ZNF283: variants seen among roughly 807,000 people sequenced by gnomAD.
ZNF283 encodes zinc finger protein 283, also known as zinc finger protein 41.
A neutral mutation model predicts 9.2 loss-of-function variants in ZNF283; 10 were observed. The observed-to-expected ratio is 1.09, with a 90% CI of 0.67 to 1.85. ZNF283 has a LOEUF of 1.85. Among genes scored for constraint, ZNF283 ranks in the 40% most tolerant of loss-of-function variants. The probability of loss-of-function intolerance (pLI) is 0.00; values close to 1 mark genes in which losing one functional copy is unlikely to be tolerated. For missense variants in ZNF283, 631 were observed against 760.1 expected (o/e 0.83, Z 2.00); for synonymous variants, 234 against 244.1 (o/e 0.96, Z 0.38).
At chr19:43,837,269 C>T (rs191997803) in intron 6 of ZNF283, 90 bp downstream of exon 6, 1 of 1,351,164 alleles carries the variant, frequency 7.4e-7, no homozygotes, top group Admixed American at 2.6e-5. Flanking sequence ...TTTGAAGAAA[C>T]CAGGTGAATT....
At chr19:43,839,910 A>C (rs534632083) in intron 6 of ZNF283, among the ~76,000 whole-genome samples, 2 of 152,038 alleles carry the variant, frequency 1.3e-5, no homozygotes, top group Non-Finnish European at 2.9e-5. Flanking sequence ...CTTCCTCAGG[A>C]ATGGTTTCTG....
chr19:43,848,300 G>A lies in ZNF283; in HGVS notation c.1699G>A (p.Gly567Ser), dbSNP rs374890277. ...TACTCAACATCAGAAAATTCATACC[G>A]GTGAGAAACCTTTCAAATGTAAGGA... The part of the protein sequence containing the change: ...HLTQHQKIHT[G>S]EKPFKCKECG... Residue 567 changes from glycine to serine, a missense_variant, in exon 7 of 7, where the codon GGT becomes AGT. This residue lies in a region of ZNF283 where 444 missense variants were observed against 522.5 expected (regional missense o/e 0.85). Transcript: ENST00000618787. The A allele has an allele frequency of 1.4e-4, 231 of 1,613,334 alleles. 1 individual carries two copies. The Admixed American group carries it at 1.9e-3, about 13-fold the overall frequency.
At chr19:43,836,561 G>A (rs963440227) in intron 5 of ZNF283, among the ~76,000 whole-genome samples, 1 of 152,110 alleles carries the variant, frequency 6.6e-6, no homozygotes. Flanking sequence ...GGCTGGTCTC[G>A]AACTCCTGAC....
Position 43,848,309 on chromosome 19 carries a change from C to G in ZNF283, c.1708C>G (p.Pro570Ala). Residue 570 changes from proline to alanine, a missense_variant, in exon 7 of 7, where the codon CCT (proline) becomes GCT (alanine). By Grantham distance (27) the Pro-to-Ala change is conservative. Coordinates refer to ENST00000618787, the MANE Select transcript of ZNF283 (RefSeq NM_181845.2). ...TCAGAAAATTCATACCGGTGAGAAA[C>G]CTTTCAAATGTAAGGAATGTGGGAA... is the stretch of plus-strand genomic sequence containing the variant. ...QHQKIHTGEK[P>A]FKCKECGKAF... The G allele has an allele frequency of 6.2e-7, 1 of 1,613,256 alleles. No individual in the cohort carries two copies. The highest frequency in any genetic ancestry group is 2.2e-5 in the East Asian group (1 of 44,846).
intron 6 of ZNF283, among the ~76,000 whole-genome samples, 185 bp from the exon 7 acceptor site, chr19:43,846,753 AT>A (rs976303252): frequency 6.6e-6 from 1 of 152,170 alleles, no homozygotes; most frequent in Non-Finnish European, 1.5e-5. Context: ...AAACTATAAA[AT>A]CAGAACATTC....
rs1568426114 is a variant in ZNF283, at chr19:43,848,153, A to C, written c.1552A>C (p.Lys518Gln). 1 of 1,614,076 alleles carries C rather than the reference A, an allele frequency of 6.2e-7. No individual in the cohort carries two copies. Among genetic ancestry groups the C allele is most frequent in the Non-Finnish European group, 8.5e-7 (1 of 1,179,954 alleles). ...FHTGEKPYECKECGKAFNCGS... is the reference protein window; with the variant it reads ...FHTGEKPYECQECGKAFNCGS... ...CACTGGTGAGAAACCCTATGAATGT[A>C]AGGAATGTGGGAAGGCTTTTAATTG... The change falls in exon 7 of 7, where the codon AAG becomes CAG. Residue 518 changes from lysine to glutamine, a missense_variant. Lys to Gln is a moderately conservative substitution (Grantham distance 53, BLOSUM62 1). Coordinates refer to ENST00000618787, the MANE Select transcript of ZNF283 (RefSeq NM_181845.2).
intron 6 of ZNF283, 163 bp downstream of exon 6, chr19:43,837,342 C>T: frequency 1.6e-6 from 1 of 637,978 alleles, no homozygotes; most frequent in Non-Finnish European, 2.5e-6. Context: ...GTTTGTTAAA[C>T]ACGTTGATCT....
chr19:43,836,993 T>C, intron 5 of ZNF283, 60 bp from the exon 6 acceptor site: 2 of 1,594,454 alleles, frequency 1.3e-6, no homozygotes, highest in Non-Finnish European at 1.7e-6. Flanking sequence ...GTACCCTCTT[T>C]TTTCCTCTTG....
rs370983131 is a variant in ZNF283 at position 43,837,055 on chromosome 19, G to T, written c.213G>T (p.Gly71=). Residue 71 remains glycine, a splice_region_variant and synonymous_variant, in exon 6 of 7, where the codon GGG becomes GGT. Coordinates refer to ENST00000618787, the MANE Select transcript of ZNF283 (RefSeq NM_181845.2). ...SSCNSRTMTD[G]LVTFRDVAID... ...AATACATGGGTTTTTGGTTTTAGGG[G>T]TTGGTGACATTCAGGGATGTGGCCA... is the stretch of plus-strand genomic sequence containing the variant. 5 of 1,613,776 alleles carry T rather than the reference G, an allele frequency of 3.1e-6. No homozygotes were observed. The South Asian group carries it at 5.5e-5, about 18-fold the overall frequency.
At chr19:43,840,053 C>T (rs1012950811) in intron 6 of ZNF283, among the ~76,000 whole-genome samples, 5 of 152,158 alleles carry the variant, frequency 3.3e-5, no homozygotes, top group African/African-American at 7.2e-5. Flanking sequence ...TTTTCCCATT[C>T]CTCAGGCATA....
intron 5 of ZNF283, 65 bp downstream of exon 5, chr19:43,835,657 A>G (rs1414992659): frequency 2.8e-5 from 36 of 1,306,500 alleles, no homozygotes; most frequent in Non-Finnish European, 3.8e-5. Flanking sequence ...CTTTTCATTA[A>G]TTTTCCTTAG....
At chr19:43,837,781 C>T (rs1599719789) in intron 6 of ZNF283, 1 of 152,298 alleles carries the variant, frequency 6.6e-6, no homozygotes, top group South Asian at 2.1e-4. Flanking sequence ...AGCCTGGGAT[C>T]TCTATGTGAA....
At position 43,847,501 on chromosome 19, in the gene ZNF283, T is replaced by G. The variant is rs1247576326; in HGVS notation, c.900T>G (p.Phe300Leu). The G allele has an allele frequency of 6.2e-7, 1 of 1,612,250 alleles. No individual in the cohort carries two copies. Among genetic ancestry groups the G allele is most frequent in the South Asian group, 1.1e-5 (1 of 90,920 alleles). ...AATGTAAAGAATGTGGGAAGGCCTT[T>G]AGTCGTGGCTATCACCTTACCCAAC... ...PYECKECGKA[F>L]SRGYHLTQHQ... is the part of the protein sequence containing the mutation. The change falls in exon 7 of 7, where the codon TTT becomes TTG. Residue 300 changes from phenylalanine to leucine, a missense_variant. Physicochemically the swap from Phe to Leu is conservative, Grantham distance 22. Around this residue, in one of 3 missense-constraint regions of ZNF283, gnomAD observed 444 missense variants for 522.5 expected, o/e 0.85. Transcript: ENST00000618787.
intron 5 of ZNF283, among the ~76,000 whole-genome samples, chr19:43,836,068 T>C (rs531333360): frequency 6.6e-6 from 1 of 152,124 alleles, no homozygotes; most frequent in Non-Finnish European, 1.5e-5. Flanking sequence ...ATGCCTAAGG[T>C]CTAGATGATA....
At position 43,847,949 on chromosome 19, in the gene ZNF283, C is replaced by A; in HGVS notation, c.1348C>A (p.Gln450Lys). 1 of 1,613,380 alleles carries A rather than the reference C, an allele frequency of 6.2e-7. No homozygotes were observed. Among genetic ancestry groups the A allele is most frequent in the Non-Finnish European group, 8.5e-7 (1 of 1,179,802 alleles). ...TCGTGGCTATCACCTTTCTCAACAT[C>A]AGAAAATCCATACTGGTGAGAAACC... ...FSRGYHLSQHQKIHTGEKPFE... is the reference protein window; with the variant it reads ...FSRGYHLSQHKKIHTGEKPFE... The change falls in exon 7 of 7, where the codon CAG becomes AAG. Residue 450 changes from glutamine (Q) to lysine (K), a missense_variant. Gln to Lys is a moderately conservative substitution (Grantham distance 53). This residue lies in a region of ZNF283 where 444 missense variants were observed against 522.5 expected (regional missense o/e 0.85). Coordinates refer to ENST00000618787, the MANE Select transcript of ZNF283 (RefSeq NM_181845.2).
intron 4 of ZNF283, among the ~76,000 whole-genome samples, chr19:43,834,937 C>T (rs1379643479): frequency 1.3e-5 from 2 of 152,070 alleles, no homozygotes; most frequent in Admixed American, 1.3e-4. Flanking sequence ...ATTTTTTCAT[C>T]TATTGATGTG....
At chr19:43,839,723 A>G (rs902544238) in intron 6 of ZNF283, among the ~76,000 whole-genome samples, 1 of 150,720 alleles carries the variant, frequency 6.6e-6, no homozygotes, top group Non-Finnish European at 1.5e-5. Flanking sequence ...CACTATTGAA[A>G]TTTTCATTTC....
In ZNF283 at chr19:43,849,950, T is replaced by G. The variant is rs756207108; in HGVS notation, c.*1309T>G. On this transcript the variant is annotated 3_prime_UTR_variant, in exon 7 of 7. Transcript: ENST00000618787. ...TTTTGAGGAATGAATTCAGAAAAGCTTCCCATAACCACTCATCCATTTGAA... is the reference window on the plus strand; with the variant it reads ...TTTTGAGGAATGAATTCAGAAAAGCGTCCCATAACCACTCATCCATTTGAA... 5 of 152,188 alleles carry G rather than the reference T, an allele frequency of 3.3e-5. No homozygotes were observed. The highest frequency in any genetic ancestry group is 5.9e-5 in the Non-Finnish European group (4 of 68,040). 9.4% of individuals were successfully genotyped at this position (152,188 alleles called of 1,614,324 possible). A position where few individuals can be genotyped will look rare whatever the true frequency, so the allele number is the denominator to read the frequency against.
chr19:43,839,127 G>A (rs191367518), intron 6 of ZNF283, among the ~76,000 whole-genome samples: 1 of 152,118 alleles, frequency 6.6e-6, no homozygotes, highest in African/African-American at 2.4e-5. Flanking sequence ...TCTAGAGTAG[G>A]TCTACTGGTA....
Sources: allele counts gnomAD v4.1 joint callset (sites outside exome capture counted in the v4.1 genomes callset), GRCh38; gene constraint gnomAD v4.1.1; regional missense constraint gnomAD v4.1.1; transcripts MANE v1.5; gene names NCBI Gene and HGNC (gene_info 2026-07-23, HGNC 2026-07-21).